TTC6: variants seen among roughly 807,000 people sequenced by gnomAD.
The protein encoded by TTC6 is tetratricopeptide repeat domain 6.
In TTC6, 172 loss-of-function variants were observed where a neutral mutation model predicts 210.4. That is an observed-to-expected ratio of 0.82 (90% CI 0.72 to 0.93). The LOEUF is 0.93. Ranked by LOEUF, TTC6 falls within the 40% of genes least tolerant of loss-of-function variation. The pLI, the probability that TTC6 is intolerant of heterozygous loss-of-function variation, is 0.00. For synonymous variants in TTC6, 804 were observed against 819.6 expected (o/e 0.98, Z 0.32); for missense variants, 2,414 against 2,318.1 (o/e 1.04, Z -0.85).
At chr14:37,698,840 T>A (rs2095819573) in intron 4 of TTC6, among the ~76,000 whole-genome samples, 1 of 152,178 alleles carries the variant, frequency 6.6e-6, no homozygotes, top group South Asian at 2.1e-4. Flanking sequence ...GAATTACACA[T>A]CTTCTATTTT....
intron 29 of TTC6, among the ~76,000 whole-genome samples, chr14:37,840,952 T>C (rs2096208716): frequency 6.6e-6 from 1 of 151,962 alleles, no homozygotes; most frequent in Non-Finnish European, 1.5e-5. Flanking sequence ...CAGTGCAACT[T>C]CTGCCTCCCA....
At chr14:37,778,019 G>A (rs2096043194) in intron 14 of TTC6, among the ~76,000 whole-genome samples, 1 of 152,128 alleles carries the variant, frequency 6.6e-6, no homozygotes, top group South Asian at 2.1e-4. Flanking sequence ...CAGACCACTG[G>A]CTACAACACT....
rs1251187844 is a variant in TTC6 at position 37,807,468 on chromosome 14, C to G, written c.4455+8C>G. On this transcript the variant is annotated splice_region_variant and intron_variant, in intron 23 of 30. Coordinates refer to ENST00000553443, the Ensembl canonical transcript of TTC6. ...CTGAAATACTACAACAAGGTAGGGC[C>G]ATTTCCTGCCTGGTTTACCGAAATT... is the stretch of plus-strand genomic sequence containing the variant. 1.4e-6 allele frequency: 2 copies of G among 1,467,790 alleles called. No homozygotes were observed. Among genetic ancestry groups the G allele is most frequent in the East Asian group, 5.0e-5 (2 of 40,214 alleles). 90.9% of individuals were successfully genotyped at this position (1,467,790 alleles called of 1,614,324 possible). A position where few individuals can be genotyped will look rare whatever the true frequency, so the allele number is the denominator to read the frequency against.
At position 37,664,661 on chromosome 14, in the gene TTC6, T is replaced by A. The variant is rs1025138446; in HGVS notation, c.940-15490T>A. Among the ~76,000 whole-genome samples, 9 of 150,566 alleles carry A rather than the reference T, an allele frequency of 6.0e-5. 1 individual carries two copies. The highest frequency in any genetic ancestry group is 2.2e-4 in the African/African-American group (9 of 41,308). On this transcript the variant is annotated intron_variant, in intron 1 of 30. Transcript: ENST00000553443. ...CAAACATTGACAAATGGGATCTAATTAAACTAAACAGCTATTCCACAGCAA... is the reference window on the plus strand; with the variant it reads ...CAAACATTGACAAATGGGATCTAATAAAACTAAACAGCTATTCCACAGCAA...
At chr14:37,627,638 C>T (rs974274398) in intron 1 of TTC6, among the ~76,000 whole-genome samples, 2 of 152,150 alleles carry the variant, frequency 1.3e-5, no homozygotes, top group South Asian at 4.2e-4. Context: ...TGAACTCATC[C>T]TTTTTTATGG....
At chr14:37,625,876 C>T (rs893935365) in intron 1 of TTC6, among the ~76,000 whole-genome samples, 16 of 152,138 alleles carry the variant, frequency 1.1e-4, no homozygotes, top group African/African-American at 2.9e-4. Context: ...GCAAAGAATA[C>T]GGAGGGTTAA....
chr14:37,671,083 G>A (rs1490194972), intron 1 of TTC6, among the ~76,000 whole-genome samples: 3 of 152,112 alleles, frequency 2.0e-5, no homozygotes, highest in Non-Finnish European at 4.4e-5. Context: ...TGTAATTCTA[G>A]CCTGTGGGCT....
At chr14:37,675,087 A>G (rs1474753562) in intron 1 of TTC6, among the ~76,000 whole-genome samples, 1 of 152,066 alleles carries the variant, frequency 6.6e-6, no homozygotes, top group Non-Finnish European at 1.5e-5. Flanking sequence ...AATTCATATA[A>G]TGTAAAATTA....
At chr14:37,769,720 T>G (rs1440193445) in intron 14 of TTC6, among the ~76,000 whole-genome samples, 1 of 150,600 alleles carries the variant, frequency 6.6e-6, no homozygotes, top group African/African-American at 2.4e-5. Context: ...TTGCTAGTAG[T>G]CTATCAATTT....
At chr14:37,658,650 C>A (rs1351251401) in intron 1 of TTC6, among the ~76,000 whole-genome samples, 1 of 152,052 alleles carries the variant, frequency 6.6e-6, no homozygotes, top group Non-Finnish European at 1.5e-5. Flanking sequence ...GTGAAAGATA[C>A]CTTAAAAGCC....
intron 5 of TTC6, among the ~76,000 whole-genome samples, chr14:37,709,649 C>T (rs1467033798): frequency 7.3e-6 from 1 of 137,166 alleles, no homozygotes; most frequent in East Asian, 2.1e-4. Flanking sequence ...AATGAAGTTA[C>T]GATGATTACA....
chr14:37,830,777 T>C (rs1018786825), intron 29 of TTC6, among the ~76,000 whole-genome samples: 19 of 151,944 alleles, frequency 1.3e-4, no homozygotes, highest in African/African-American at 4.3e-4. Flanking sequence ...TTTTTCAAAA[T>C]CATTTTATTT....
chr14:37,794,537 G>T (rs187300529), intron 17 of TTC6, among the ~76,000 whole-genome samples: 2 of 150,702 alleles, frequency 1.3e-5, no homozygotes, highest in Admixed American at 6.6e-5. Context: ...CAGTTTCTGC[G>T]ACCAGTATTA....
chr14:37,682,076 C>G (rs1365999259), intron 2 of TTC6, among the ~76,000 whole-genome samples: 2 of 151,838 alleles, frequency 1.3e-5, no homozygotes, highest in African/African-American at 4.8e-5. Flanking sequence ...GATGGCTGAG[C>G]TACCATGAGA....
chr14:37,815,011 A>G (rs1430556931), intron 25 of TTC6, among the ~76,000 whole-genome samples: 1 of 152,170 alleles, frequency 6.6e-6, no homozygotes, highest in Non-Finnish European at 1.5e-5. Flanking sequence ...GTTAATGGCT[A>G]AGTTAACCAG....
chr14:37,794,579 T>C (rs1409619510), intron 17 of TTC6, among the ~76,000 whole-genome samples: 1 of 152,198 alleles, frequency 6.6e-6, no homozygotes, highest in Non-Finnish European at 1.5e-5. Flanking sequence ...TTTCGTTACA[T>C]ATTGATGGTA....
At chr14:37,736,848 G>T (rs144848877) in intron 8 of TTC6, among the ~76,000 whole-genome samples, 1 of 152,010 alleles carries the variant, frequency 6.6e-6, no homozygotes. Context: ...TGGACCTCCC[G>T]GGCTCAAGTG....
At chr14:37,651,832 G>T (rs1260253265) in intron 1 of TTC6, among the ~76,000 whole-genome samples, 2 of 152,140 alleles carry the variant, frequency 1.3e-5, no homozygotes, top group African/African-American at 4.8e-5. Flanking sequence ...CACAAATGGG[G>T]CGAAGCCAGG....
At chr14:37,787,188 A>G (rs2096069784) in intron 14 of TTC6, among the ~76,000 whole-genome samples, 2 of 152,212 alleles carry the variant, frequency 1.3e-5, no homozygotes, top group Admixed American at 6.5e-5. Context: ...TATTTTATTG[A>G]CATACGTCCT....
Sources: allele counts gnomAD v4.1 joint callset (sites outside exome capture counted in the v4.1 genomes callset), GRCh38; gene constraint gnomAD v4.1.1; transcripts MANE v1.5; gene names NCBI Gene and HGNC (gene_info 2026-07-23, HGNC 2026-07-21).